Variants in H2BC12 observed in about 807,000 individuals in gnomAD.
H2BC12 encodes histone H2B type 1-K.
H2BC12 carries 6 observed loss-of-function variants against 6.3 expected under a neutral mutation model. The observed-to-expected ratio is 0.95, with a 90% confidence interval of 0.52 to 1.87. The LOEUF is 1.87. Ranked by LOEUF, H2BC12 falls within the 40% of genes most tolerant of loss-of-function variation. The pLI is 0.01. For missense variants in H2BC12, 119 were observed against 178.4 expected, an observed-to-expected ratio of 0.67 and a Z score of 1.90; for synonymous variants, 132 against 78.5, an observed-to-expected ratio of 1.68 and a Z score of -3.60.
At chr6:27,139,719 A>G in the H2BC12 span, 5 of 1,466,390 alleles carry the variant, frequency 3.4e-6, no homozygotes, top group Non-Finnish European at 4.5e-6. Context: ...GAGTCTCTTA[A>G]TAGGGCCATT....
downstream of H2BC12, among the ~76,000 whole-genome samples, chr6:27,143,318 C>T (rs1175161839): frequency 6.6e-6 from 1 of 152,036 alleles, no homozygotes; most frequent in East Asian, 1.9e-4. Context: ...TGCCACTGCA[C>T]TCCAGCCTTG....
chr6:27,139,427 G>A, the H2BC12 span: 1 of 1,614,240 alleles, frequency 6.2e-7, no homozygotes, highest in Non-Finnish European at 8.5e-7. Flanking sequence ...CGCCTTGCTC[G>A]CCGCGGCGGC....
At chr6:27,139,321 G>T in the H2BC12 span, 2 of 1,609,842 alleles carry the variant, frequency 1.2e-6, no homozygotes. Flanking sequence ...GTCAGGACGC[G>T]GCAAAGGAGG....
chr6:27,146,215 G>A (rs76605486), downstream of H2BC12, among the ~76,000 whole-genome samples: 734 of 152,328 alleles, frequency 4.8e-3, 6 homozygotes, highest in African/African-American at 0.017. Context: ...CTAACAAAGT[G>A]TATGTGGCTT....
chr6:27,144,484 CTG>C (rs1320104143), downstream of H2BC12, among the ~76,000 whole-genome samples: 1 of 95,534 alleles, frequency 1.0e-5, no homozygotes, highest in Non-Finnish European at 1.9e-5. Flanking sequence ...GGGGCGGAAT[CTG>C]TGCTATCAAG....
chr6:27,138,674 G>C, the H2BC12 span: 3 of 152,174 alleles, frequency 2.0e-5, no homozygotes, highest in Non-Finnish European at 4.4e-5. Flanking sequence ...TCCAGAGAAA[G>C]TCCCTCCCTG....
chr6:27,145,489 TCA>T (rs1459936740), downstream of H2BC12, among the ~76,000 whole-genome samples: 1 of 152,152 alleles, frequency 6.6e-6, no homozygotes, highest in Non-Finnish European at 1.5e-5. Flanking sequence ...TAGCCTCTAA[TCA>T]CACAATAAAA....
the H2BC12 span, chr6:27,139,501 A>G: frequency 1.2e-6 from 2 of 1,613,964 alleles, no homozygotes; most frequent in African/African-American, 1.3e-5. Flanking sequence ...GTTCCTGGAG[A>G]ACGTGATCCG....
the H2BC12 span, among the ~76,000 whole-genome samples, chr6:27,140,913 C>T: frequency 6.6e-6 from 1 of 150,542 alleles, no homozygotes; most frequent in African/African-American, 2.4e-5. Flanking sequence ...TTGTTTTTAA[C>T]TGTTCGTGAT....
In H2BC12 at chr6:27,146,782, T is replaced by A; in HGVS notation, c.17A>T (p.Lys6Met). 1 of 1,614,074 alleles carries A rather than the reference T, an allele frequency of 6.2e-7. No individual in the cohort carries two copies. Among genetic ancestry groups the A allele is most frequent in the Non-Finnish European group, 8.5e-7 (1 of 1,179,984 alleles). Residue 6 changes from lysine (K) to methionine (M), a missense_variant, in exon 1 of 1, where the codon AAG becomes ATG. By Grantham distance (95) the Lys-to-Met change is moderately conservative (BLOSUM62 -1). Transcript: ENST00000356950. MPEPA[K>M]SAPAPKKGSK... ...GCCCTTCTTGGGCGCGGGAGCGGACTTCGCTGGTTCCGGCATGTTGAAGGC... is the reference window on the plus strand; with the variant it reads ...GCCCTTCTTGGGCGCGGGAGCGGACATCGCTGGTTCCGGCATGTTGAAGGC...
the H2BC12 span, chr6:27,139,151 A>G: frequency 1.4e-6 from 1 of 696,694 alleles, no homozygotes; most frequent in Middle Eastern, 4.0e-4. Flanking sequence ...AAGAGGGAGT[A>G]GAGCACAGCA....
chr6:27,146,755 G>C lies in H2BC12; in HGVS notation c.44C>G (p.Ser15Trp). 1 of 1,614,158 alleles carries C rather than the reference G, an allele frequency of 6.2e-7. No individual in the cohort carries two copies. The highest frequency in any genetic ancestry group is 8.5e-7 in the Non-Finnish European group (1 of 1,180,026). Residue 15 changes from serine (S) to tryptophan (W), a missense_variant, in exon 1 of 1, where the codon TCG (serine) becomes TGG (tryptophan). Physicochemically the swap from Ser to Trp is radical, Grantham distance 177 (BLOSUM62 -3). This residue lies in a region of H2BC12 where 50 missense variants were observed against 37.4 expected (regional missense o/e 1.34). Coordinates refer to ENST00000356950, the MANE Select transcript of H2BC12 (RefSeq NM_001312653.2). ...CTGCGCCTTAGTCACGGCTTTCTTC[G>C]AGCCCTTCTTGGGCGCGGGAGCGGA... is the stretch of plus-strand genomic sequence containing the variant. ...AKSAPAPKKGSKKAVTKAQKK... is the reference protein window; with the variant it reads ...AKSAPAPKKGWKKAVTKAQKK...
chr6:27,139,313 C>T, the H2BC12 span: 7 of 1,606,166 alleles, frequency 4.4e-6, no homozygotes, highest in East Asian at 2.2e-5. Context: ...TTGATAATGT[C>T]AGGACGCGGC....
chr6:27,139,902 GT>G, the H2BC12 span: 11 of 462,426 alleles, frequency 2.4e-5, no homozygotes, highest in Non-Finnish European at 4.3e-5. Context: ...GCTCGGATTA[GT>G]TTAGAAAGCC....
Position 27,146,683 on chromosome 6 carries a change from G to T in H2BC12, c.116C>A (p.Ser39Tyr), listed in dbSNP as rs1760092261. The T allele has an allele frequency of 6.2e-7, 1 of 1,614,152 alleles. No individual in the cohort carries two copies. The highest frequency in any genetic ancestry group is 1.3e-5 in the African/African-American group (1 of 74,954). ...CTTCAGCACCTTGTACACGTATACG[G>T]AGTAGCTCTCCTTGCGGCTGCGCTT... Reference protein sequence around the residue: ...KRKRSRKESYSVYVYKVLKQV... With the variant: ...KRKRSRKESYYVYVYKVLKQV... The change falls in exon 1 of 1, where the codon TCC becomes TAC. Residue 39 changes from serine (S) to tyrosine (Y), a missense_variant. Physicochemically the swap from Ser to Tyr is moderately radical, Grantham distance 144. Coordinates refer to ENST00000356950, the MANE Select transcript of H2BC12 (RefSeq NM_001312653.2).
downstream of H2BC12, among the ~76,000 whole-genome samples, chr6:27,144,951 G>A (rs1434925225): frequency 4.6e-5 from 7 of 151,854 alleles, no homozygotes; most frequent in South Asian, 6.2e-4. Flanking sequence ...ATGCTACCAC[G>A]CCCCCCCTAA....
chr6:27,144,617 A>G (rs1760048116), downstream of H2BC12, among the ~76,000 whole-genome samples: 2 of 152,096 alleles, frequency 1.3e-5, no homozygotes, highest in Admixed American at 6.5e-5. Context: ...GAATTTTGTA[A>G]AAAGAGCAAA....
the H2BC12 span, chr6:27,139,683 C>G: frequency 2.0e-6 from 3 of 1,529,358 alleles, no homozygotes; most frequent in Non-Finnish European, 2.6e-6. Context: ...AAGCTTTCAA[C>G]AAAAGAGTTG....
chr6:27,139,476 C>G, the H2BC12 span: 1 of 1,614,176 alleles, frequency 6.2e-7, no homozygotes, highest in Non-Finnish European at 8.5e-7. Context: ...AGGAGACCCG[C>G]GGAGTGTTGA....
Sources: allele counts gnomAD v4.1 joint callset (sites outside exome capture counted in the v4.1 genomes callset), GRCh38; gene constraint gnomAD v4.1.1; regional missense constraint gnomAD v4.1.1; transcripts MANE v1.5; gene names NCBI Gene and HGNC (gene_info 2026-07-23, HGNC 2026-07-21).